TEK: variants seen among roughly 807,000 people sequenced by gnomAD.
TEK encodes the protein TEK receptor tyrosine kinase, also known as angiopoietin-1 receptor.
A neutral mutation model predicts 131.8 loss-of-function variants in TEK; 43 were observed. The ratio of observed to expected loss-of-function variants is 0.33; its 90% CI spans 0.26 to 0.42. The LOEUF (loss-of-function observed/expected upper bound fraction) is 0.42. TEK is among the 10% of genes least tolerant of loss of function. TEK has a pLI of 1.00. For synonymous variants in TEK, 580 were observed against 491.6 expected (o/e 1.18, Z -2.38); for missense variants, 1,162 against 1,384.4 (o/e 0.84, Z 2.55).
chr9:27,132,014 A>G (rs1822245608), intron 1 of TEK, among the ~76,000 whole-genome samples: 1 of 151,974 alleles, frequency 6.6e-6, no homozygotes, highest in Admixed American at 6.6e-5. Context: ...ATTTCTAAAT[A>G]ATTTATATTT....
rs766367343 is a variant in TEK at position 27,209,202 on chromosome 9, T to A, written c.2657T>A (p.Ile886Asn). The change falls in exon 16 of 23, where the codon ATC becomes AAC. Residue 886 changes from isoleucine to asparagine, a missense_variant. Transcript: ENST00000380036. ...LCKLGHHPNI[I>N]NLLGACEHRG... ...AAACTTGGACACCATCCAAACATCA[T>A]CAATCTCTTAGGAGCATGTGAACAT... 6.2e-7 allele frequency: 1 copy of A among 1,613,820 alleles called. No homozygotes were observed. The highest frequency in any genetic ancestry group is 8.5e-7 in the Non-Finnish European group (1 of 1,179,826).
chr9:27,142,240 C>A (rs1165756049), intron 1 of TEK, among the ~76,000 whole-genome samples: 1 of 152,126 alleles, frequency 6.6e-6, no homozygotes, highest in East Asian at 1.9e-4. Context: ...AGTTTTTAAG[C>A]ATCTGTACTT....
intron 1 of TEK, among the ~76,000 whole-genome samples, chr9:27,117,523 ATTC>A (rs1417481613): frequency 2.6e-5 from 4 of 151,920 alleles, no homozygotes; most frequent in Non-Finnish European, 4.4e-5. Context: ...GAATCTGATC[ATTC>A]TTCTCTCCTG....
chr9:27,109,578 G>T lies in TEK; in HGVS notation c.-13G>T, dbSNP rs1821249572. 8.1e-6 allele frequency: 13 copies of T among 1,614,078 alleles called. No homozygotes were observed. Among genetic ancestry groups the T allele is most frequent in the Non-Finnish European group, 1.1e-5 (13 of 1,180,026 alleles). ...CACATTTGTGGAAACTGGATGGAGAGATTTGGGGAAGCATGGACTCTTTAG... is the reference window on the plus strand; with the variant it reads ...CACATTTGTGGAAACTGGATGGAGATATTTGGGGAAGCATGGACTCTTTAG... On this transcript the variant is annotated 5_prime_UTR_variant, in exon 1 of 23. Coordinates refer to ENST00000380036, the MANE Select transcript of TEK (RefSeq NM_000459.5).
intron 1 of TEK, among the ~76,000 whole-genome samples, chr9:27,137,676 TAAC>T (rs1422326547): frequency 8.4e-5 from 9 of 106,910 alleles, no homozygotes; most frequent in South Asian, 2.4e-4. Flanking sequence ...AGCATCTTCT[TAAC>T]AAGATTTACT....
intron 1 of TEK, among the ~76,000 whole-genome samples, chr9:27,142,278 A>C (rs1229536731): frequency 6.6e-6 from 1 of 152,236 alleles, no homozygotes; most frequent in African/African-American, 2.4e-5. Context: ...CGATACAATG[A>C]GAGAAAGAGT....
intron 22 of TEK, among the ~76,000 whole-genome samples, chr9:27,228,530 T>C (rs1413036102): frequency 6.6e-6 from 1 of 152,126 alleles, no homozygotes; most frequent in African/African-American, 2.4e-5. Flanking sequence ...TAGAATAACA[T>C]ACAGAATTAG....
At chr9:27,185,048 A>G (rs568666314) in intron 8 of TEK, among the ~76,000 whole-genome samples, 89 of 152,074 alleles carry the variant, frequency 5.9e-4, no homozygotes, top group Non-Finnish European at 1.0e-3. Flanking sequence ...CTCAAAAAAA[A>G]AAAAATGGCA....
At chr9:27,191,591 GAAAAA>G (rs11372025) in intron 10 of TEK, among the ~76,000 whole-genome samples, 1 of 146,674 alleles carries the variant, frequency 6.8e-6, no homozygotes, top group Non-Finnish European at 1.5e-5. Flanking sequence ...GAAAACTATG[GAAAAA>G]AAAAAAGAGA....
At position 27,169,527 on chromosome 9, in the gene TEK, G is replaced by A; in HGVS notation, c.526G>A (p.Val176Ile). 1 of 1,614,154 alleles carries A rather than the reference G, an allele frequency of 6.2e-7. No individual in the cohort carries two copies. The highest frequency in any genetic ancestry group is 8.5e-7 in the Non-Finnish European group (1 of 1,180,006). Residue 176 changes from valine (V) to isoleucine (I), a missense_variant, in exon 4 of 23, where the codon GTA becomes ATA. Around this residue, in one of 6 missense-constraint regions of TEK, gnomAD observed 436 missense variants for 539.1 expected, o/e 0.81. Transcript: ENST00000380036. ...GCATGAAGTACCTGATATTCTAGAA[G>A]TACACCTGCCTCATGCTCAGCCCCA... Reference protein sequence around the residue: ...PRHEVPDILEVHLPHAQPQDA... With the variant: ...PRHEVPDILEIHLPHAQPQDA...
intron 22 of TEK, 55 bp from the exon 23 acceptor site, chr9:27,229,103 T>C (rs1826457596): frequency 6.5e-7 from 1 of 1,534,380 alleles, no homozygotes; most frequent in South Asian, 1.1e-5. Context: ...TAACTGCCGC[T>C]GGCAGAGGTG....
intron 1 of TEK, among the ~76,000 whole-genome samples, chr9:27,146,134 T>C (rs1822908920): frequency 6.6e-6 from 1 of 152,220 alleles, no homozygotes; most frequent in Non-Finnish European, 1.5e-5. Context: ...ATTACATGTA[T>C]GTACCGTTAT....
rs193135163 is a variant in TEK at position 27,156,888 on chromosome 9, G to C, written c.53-943G>C. Among the ~76,000 whole-genome samples, 7 of 150,584 alleles carry C rather than the reference G, an allele frequency of 4.6e-5. No individual in the cohort carries two copies. In the East Asian group the frequency reaches 1.4e-3, roughly 30 times the overall value. ...AGAGCCAACCATCACTGGAGCTAGAGAACATTTTCCATCCCTGATATTTCC... is the reference window on the plus strand; with the variant it reads ...AGAGCCAACCATCACTGGAGCTAGACAACATTTTCCATCCCTGATATTTCC... On this transcript the variant is annotated intron_variant, in intron 1 of 22. Coordinates refer to ENST00000380036, the MANE Select transcript of TEK (RefSeq NM_000459.5).
At position 27,204,413 on chromosome 9, in the gene TEK, TGG is replaced by T. The variant is rs368095953; in HGVS notation, c.2210-496_2210-495del. Among the ~76,000 whole-genome samples, 804 of 152,300 alleles carry T rather than the reference TGG, an allele frequency of 5.3e-3. 7 individuals carry two copies. The highest frequency in any genetic ancestry group is 0.018 in the African/African-American group (748 of 41,576). Reference sequence around the variant, plus strand: ...TCCCTCCCTCTCTCTCTTCTTCTATTGGGTATCATTAGGTTTTCTTCATTAAC... The same window carrying T: ...TCCCTCCCTCTCTCTCTTCTTCTATTGTATCATTAGGTTTTCTTCATTAAC... On this transcript the variant is annotated intron_variant, in intron 13 of 22. Transcript: ENST00000380036.
At chr9:27,149,674 C>A (rs985749421) in intron 1 of TEK, among the ~76,000 whole-genome samples, 1 of 152,118 alleles carries the variant, frequency 6.6e-6, no homozygotes, top group Non-Finnish European at 1.5e-5. Context: ...AGTCAAATTG[C>A]CTTCTCTGTT....
At chr9:27,179,330 T>G (rs1277581502) in intron 6 of TEK, among the ~76,000 whole-genome samples, 1 of 152,216 alleles carries the variant, frequency 6.6e-6, no homozygotes, top group Non-Finnish European at 1.5e-5. Context: ...CCTGCTGAAG[T>G]TTCTCATTGT....
At position 27,185,609 on chromosome 9, in the gene TEK, C is replaced by T. The variant is rs751371541; in HGVS notation, c.1307C>T (p.Pro436Leu). ...ACAGTGGCTGGGATGGTGGAAAAGC[C>T]CTTCAACATTTCTGTTAAAGGTAAG... Reference protein sequence around the residue: ...VNTVAGMVEKPFNISVKVLPK... With the variant: ...VNTVAGMVEKLFNISVKVLPK... Residue 436 changes from proline to leucine, a missense_variant, in exon 9 of 23, where the codon CCC (proline) becomes CTC (leucine). Pro to Leu is a moderately conservative substitution (Grantham distance 98). Coordinates refer to ENST00000380036, the MANE Select transcript of TEK (RefSeq NM_000459.5). 2 of 1,613,622 alleles carry T rather than the reference C, an allele frequency of 1.2e-6. No homozygotes were observed. The highest frequency in any genetic ancestry group is 1.1e-5 in the South Asian group (1 of 91,074).
At chr9:27,160,513 T>A (rs1297178124) in intron 2 of TEK, among the ~76,000 whole-genome samples, 1 of 152,168 alleles carries the variant, frequency 6.6e-6, no homozygotes, top group Non-Finnish European at 1.5e-5. Context: ...TTTGGGACAG[T>A]CCTGGGATTA....
In TEK at chr9:27,206,759, T is replaced by C; in HGVS notation, c.2542T>C (p.Leu848=). The part of the protein sequence containing the change: ...VLKARIKKDG[L]RMDAAIKRMK... Reference sequence around the variant, plus strand: ...TAAGGCGCGCATCAAGAAGGATGGGTTACGGATGGATGCTGCCATCAAAAG... The same window carrying C: ...TAAGGCGCGCATCAAGAAGGATGGGCTACGGATGGATGCTGCCATCAAAAG... Residue 848 remains leucine (L), a synonymous_variant, in exon 15 of 23, where the codon TTA becomes CTA. Transcript: ENST00000380036. The C allele has an allele frequency of 6.2e-7, 1 of 1,614,066 alleles. No individual in the cohort carries two copies. The highest frequency in any genetic ancestry group is 1.7e-5 in the Admixed American group (1 of 60,016).
Sources: gnomAD v4.1 joint callset for allele counts (sites outside exome capture counted in the v4.1 genomes callset) on GRCh38, gnomAD v4.1.1 for gene constraint, gnomAD v4.1.1 regional missense constraint, MANE v1.5 for transcripts, NCBI Gene and HGNC (gene_info 2026-07-23, HGNC 2026-07-21) for gene names.